Variants in NCAPG observed in about 807,000 individuals in gnomAD.
NCAPG encodes condensin complex subunit 3.
Under a neutral mutation model 113.1 loss-of-function variants are expected in NCAPG, and 69 were observed. The ratio of observed to expected loss-of-function variants is 0.61; its 90% CI spans 0.50 to 0.75. NCAPG has a LOEUF of 0.75. Ranked by LOEUF, NCAPG falls within the 30% of genes least tolerant of loss-of-function variation. The probability of loss-of-function intolerance (pLI) is 0.00; values close to 1 mark genes in which losing one functional copy is unlikely to be tolerated. For synonymous variants in NCAPG, 370 were observed against 415.8 expected (o/e 0.89, Z 1.34); for missense variants, 1,058 against 1,177.0 (o/e 0.90, Z 1.48).
chr4:17,833,415 C>A (rs537293774), intron 13 of NCAPG, among the ~76,000 whole-genome samples: 1 of 150,952 alleles, frequency 6.6e-6, no homozygotes, highest in South Asian at 2.1e-4. Context: ...GCTGAGATTG[C>A]GCTATTATGC....
chr4:17,840,429 T>G (rs555000971), intron 18 of NCAPG, among the ~76,000 whole-genome samples, 178 bp from the exon 19 acceptor site: 26 of 152,210 alleles, frequency 1.7e-4, no homozygotes, highest in Non-Finnish European at 3.5e-4. Context: ...GACCATCTTT[T>G]TAAGAGTTTT....
At chr4:17,816,931 G>C (rs1721233244) in intron 5 of NCAPG, among the ~76,000 whole-genome samples, 1 of 152,104 alleles carries the variant, frequency 6.6e-6, no homozygotes, top group African/African-American at 2.4e-5. Flanking sequence ...TCAAGAGATT[G>C]AGACCATCCT....
intron 12 of NCAPG, among the ~76,000 whole-genome samples, chr4:17,828,762 AATTT>A (rs1233677734): frequency 6.6e-6 from 1 of 152,018 alleles, no homozygotes; most frequent in Non-Finnish European, 1.5e-5. Flanking sequence ...CTGGGAAAGG[AATTT>A]ATTTATTATA....
chr4:17,816,492 C>G (rs1721217468), intron 5 of NCAPG, among the ~76,000 whole-genome samples: 1 of 152,166 alleles, frequency 6.6e-6, no homozygotes, highest in Admixed American at 6.5e-5. Context: ...CAAGATGGCT[C>G]TATTGCGCTG....
rs1290192910 is a variant in NCAPG at position 17,843,554 on chromosome 4, C to T, written c.*129C>T. 2.5e-5 allele frequency: 26 copies of T among 1,037,682 alleles called. No homozygotes were observed. The highest frequency in any genetic ancestry group is 1.2e-4 in the Admixed American group (5 of 41,326). 64.3% of individuals were successfully genotyped at this position (1,037,682 alleles called of 1,614,324 possible). On this transcript the variant is annotated 3_prime_UTR_variant, in exon 21 of 21. Coordinates refer to ENST00000251496, the MANE Select transcript of NCAPG (RefSeq NM_022346.5). Reference sequence around the variant, plus strand: ...GAAGATTTTCTGCTGTGCGCTTCCACGTTACTTTGGCCTGTATTAAAGCAG... The same window carrying T: ...GAAGATTTTCTGCTGTGCGCTTCCATGTTACTTTGGCCTGTATTAAAGCAG...
chr4:17,823,225 C>T, intron 8 of NCAPG, 102 bp downstream of exon 8: 1 of 1,141,656 alleles, frequency 8.8e-7, no homozygotes, highest in East Asian at 2.7e-5. Flanking sequence ...CCCTAGCTCT[C>T]TAAAGTGGTA....
At chr4:17,824,325 A>G (rs1036893175) in intron 9 of NCAPG, among the ~76,000 whole-genome samples, 1 of 152,160 alleles carries the variant, frequency 6.6e-6, no homozygotes, top group Non-Finnish European at 1.5e-5. Context: ...AAAAAGACAG[A>G]TCTGTATCAT....
At chr4:17,835,393 TGTTGCC>T (rs1177407412) in intron 14 of NCAPG, among the ~76,000 whole-genome samples, 12 of 152,114 alleles carry the variant, frequency 7.9e-5, no homozygotes, top group African/African-American at 2.9e-4. Context: ...GGTCTCGCTC[TGTTGCC>T]CAGGCTGGTC....
chr4:17,840,405 A>C (rs990098871), intron 18 of NCAPG, among the ~76,000 whole-genome samples, 196 bp downstream of exon 18: 5 of 151,900 alleles, frequency 3.3e-5, no homozygotes, highest in African/African-American at 4.8e-5. Context: ...TTTGGCATGC[A>C]TTTCTCAACA....
intron 7 of NCAPG, among the ~76,000 whole-genome samples, chr4:17,821,709 C>T (rs1258352190): frequency 6.6e-6 from 1 of 151,974 alleles, no homozygotes; most frequent in East Asian, 1.9e-4. Context: ...AGTGATCCTC[C>T]CGCCTCAACC....
chr4:17,831,179 TA>T, intron 13 of NCAPG, 63 bp downstream of exon 13: 1 of 1,524,550 alleles, frequency 6.6e-7, no homozygotes, highest in Non-Finnish European at 8.9e-7. Flanking sequence ...GCGATAATGC[TA>T]ATACTCTGAA....
At position 17,814,925 on chromosome 4, in the gene NCAPG, C is replaced by T; in HGVS notation, c.617C>T (p.Ser206Leu). Residue 206 changes from serine (S) to leucine (L), a missense_variant, in exon 4 of 21, where the codon TCA becomes TTA. Ser to Leu is a moderately radical substitution (Grantham distance 145). Coordinates refer to ENST00000251496, the MANE Select transcript of NCAPG (RefSeq NM_022346.5). ...GCAGTGTTATCATGTATTGCACCAT[C>T]AGCAAAGACTTTGCCAAAAATTGTA... Reference protein sequence around the residue: ...RRAVLSCIAPSAKTLPKIVGR... With the variant: ...RRAVLSCIAPLAKTLPKIVGR... The T allele has an allele frequency of 6.2e-7, 1 of 1,614,168 alleles. No homozygotes were observed. Among genetic ancestry groups the T allele is most frequent in the Non-Finnish European group, 8.5e-7 (1 of 1,180,016 alleles).
intron 9 of NCAPG, 135 bp downstream of exon 9, chr4:17,823,905 T>C (rs1577338445): frequency 3.0e-6 from 2 of 657,922 alleles, no homozygotes; most frequent in East Asian, 6.0e-5. Flanking sequence ...TAAAATTTCT[T>C]AAAACCATTA....
At position 17,831,086 on chromosome 4, in the gene NCAPG, T is replaced by C; in HGVS notation, c.1854T>C (p.Phe618=). 1 of 1,613,790 alleles carries C rather than the reference T, an allele frequency of 6.2e-7. No individual in the cohort carries two copies. Among genetic ancestry groups the C allele is most frequent in the South Asian group, 1.1e-5 (1 of 91,014 alleles). ...LGCCGLQNQD[F]ARKHFVLLLQ... is the part of the protein sequence containing the mutation. ...GCTGTGGACTACAGAATCAGGATTT[T>C]GCAAGGAAACACTTCGTATTACTAT... is the stretch of plus-strand genomic sequence containing the variant. The change falls in exon 13 of 21, where the codon TTT becomes TTC. Residue 618 remains phenylalanine, a synonymous_variant. Transcript: ENST00000251496.
At position 17,812,384 on chromosome 4, in the gene NCAPG, A is replaced by G. The variant is rs1055401309; in HGVS notation, c.275A>G (p.Asp92Gly). The G allele has an allele frequency of 6.2e-7, 1 of 1,613,638 alleles. No individual in the cohort carries two copies. The highest frequency in any genetic ancestry group is 8.5e-7 in the Non-Finnish European group (1 of 1,179,808). Residue 92 changes from aspartate (D) to glycine (G), a missense_variant, in exon 2 of 21, where the codon GAT becomes GGT. Coordinates refer to ENST00000251496, the MANE Select transcript of NCAPG (RefSeq NM_022346.5). ...SDMEDDEEEE[D>G]GGLLNYLFTF... ...ATGGAAGATGATGAGGAAGAGGAAG[A>G]TGGTGGCCTTTTAAATTATTTGTTT...
At chr4:17,822,961 T>G (rs1350652672) in intron 7 of NCAPG, 22 bp from the exon 8 acceptor site, 2 of 1,560,994 alleles carry the variant, frequency 1.3e-6, no homozygotes, top group Admixed American at 4.3e-5. Context: ...AGATTCTACT[T>G]TATTAATTCT....
intron 7 of NCAPG, among the ~76,000 whole-genome samples, chr4:17,818,970 T>C (rs1652204244): frequency 6.6e-6 from 1 of 152,228 alleles, no homozygotes; most frequent in Non-Finnish European, 1.5e-5. Flanking sequence ...AAGTGTATAT[T>C]CTAGCAACCC....
At chr4:17,830,884 A>G in intron 12 of NCAPG, 113 bp from the exon 13 acceptor site, 2 of 1,117,844 alleles carry the variant, frequency 1.8e-6, no homozygotes, top group South Asian at 1.5e-5. Context: ...TGTTTTAGCA[A>G]TTTAATACTT....
Position 17,812,246 on chromosome 4 carries a change from A to T in NCAPG, c.137A>T (p.Glu46Val), listed in dbSNP as rs1721012567. ...ATGGATGATAAGACAGTTTTTCATG[A>T]GGAGTTCATTCATTACCTTAAATAT... ...RTMDDKTVFH[E>V]EFIHYLKYVM... Residue 46 changes from glutamate (E) to valine (V), a missense_variant, in exon 2 of 21, where the codon GAG (glutamate) becomes GTG (valine). Coordinates refer to ENST00000251496, the MANE Select transcript of NCAPG (RefSeq NM_022346.5). 6.2e-7 allele frequency: 1 copy of T among 1,612,944 alleles called. No homozygotes were observed.
Sources: allele counts gnomAD v4.1 joint callset (sites outside exome capture counted in the v4.1 genomes callset), GRCh38; gene constraint gnomAD v4.1.1; transcripts MANE v1.5; gene names NCBI Gene and HGNC (gene_info 2026-07-23, HGNC 2026-07-21).